ABCA1: variants seen among roughly 807,000 people sequenced by gnomAD.
ABCA1 encodes ATP binding cassette subfamily A member 1.
Under a neutral mutation model 262.5 loss-of-function variants are expected in ABCA1, and 133 were observed. The observed-to-expected ratio is 0.51, with a 90% CI of 0.44 to 0.59. The LOEUF is 0.59. Ranked by LOEUF, ABCA1 falls within the 20% of genes least tolerant of loss-of-function variation. The pLI is 0.00. For synonymous variants in ABCA1, 1,022 were observed against 1,043.5 expected (o/e 0.98, Z 0.40); for missense variants, 2,452 against 2,777.5 (o/e 0.88, Z 2.63).
Position 104,781,954 on chromosome 9 carries a change from T to C in ABCA1, c.*2361A>G, listed in dbSNP as rs201061288. ...CAGTATTAATGAAGATGTATAACTATAGATTGTTTCTAGCTTCAGAAGAGG... is the reference window on the plus strand; with the variant it reads ...CAGTATTAATGAAGATGTATAACTACAGATTGTTTCTAGCTTCAGAAGAGG... On this transcript the variant is annotated 3_prime_UTR_variant, in exon 50 of 50. Transcript: ENST00000374736. 5 of 152,304 alleles carry C rather than the reference T, an allele frequency of 3.3e-5. 1 individual carries two copies. The East Asian group carries it at 5.8e-4, about 18-fold the overall frequency. The allele number at this position is 152,304 out of a possible 1,614,324, so 9.4% of individuals were successfully genotyped here. A position where few individuals can be genotyped will look rare whatever the true frequency, so the allele number is the denominator to read the frequency against.
At chr9:104,849,433 C>A (rs1297739969) in intron 7 of ABCA1, among the ~76,000 whole-genome samples, 2 of 152,168 alleles carry the variant, frequency 1.3e-5, no homozygotes, top group African/African-American at 4.8e-5. Context: ...ATTGGCTGAA[C>A]CCACCCATGA....
At chr9:104,841,551 C>A (rs1834373749) in intron 8 of ABCA1, among the ~76,000 whole-genome samples, 1 of 152,236 alleles carries the variant, frequency 6.6e-6, no homozygotes, top group African/African-American at 2.4e-5. Context: ...TACTCAACTT[C>A]TCCATGCTTC....
chr9:104,830,991 G>T lies in ABCA1; in HGVS notation c.1826C>A (p.Thr609Lys). The T allele has an allele frequency of 6.2e-7, 1 of 1,613,800 alleles. No homozygotes were observed. Among genetic ancestry groups the T allele is most frequent in the Non-Finnish European group, 8.5e-7 (1 of 1,179,962 alleles). The change falls in exon 14 of 50, where the codon ACG becomes AAG. Residue 609 changes from threonine (T) to lysine (K), a missense_variant. Coordinates refer to ENST00000374736, the MANE Select transcript of ABCA1 (RefSeq NM_005502.4). The part of the protein sequence containing the change: ...VVEQAIIRVL[T>K]GTEKKTGVYM... ...GACACCAGTTTTCTTCTCGGTGCCC[G>T]TCAGCACCCTGATGATTGCCTGCTC...
intron 3 of ABCA1, among the ~76,000 whole-genome samples, chr9:104,886,922 A>G (rs1839227625): frequency 6.6e-6 from 1 of 152,198 alleles, no homozygotes; most frequent in African/African-American, 2.4e-5. Context: ...CTTAACTTTT[A>G]ACTCTGCTCT....
intron 35 of ABCA1, 115 bp downstream of exon 35, chr9:104,800,393 GTT>G: frequency 1.0e-6 from 1 of 964,674 alleles, no homozygotes; most frequent in Non-Finnish European, 1.7e-6. Flanking sequence ...AAAGTTAATA[GTT>G]TGCTCTTTTC....
chr9:104,842,203 G>T (rs932043169), intron 8 of ABCA1, among the ~76,000 whole-genome samples: 6 of 152,316 alleles, frequency 3.9e-5, no homozygotes, highest in African/African-American at 7.2e-5. Context: ...CAGAGAGGGG[G>T]CATCTAGCAC....
At chr9:104,922,362 A>C (rs1842184022) in intron 1 of ABCA1, among the ~76,000 whole-genome samples, 2 of 152,190 alleles carry the variant, frequency 1.3e-5, no homozygotes, top group Non-Finnish European at 2.9e-5. Context: ...CTAATATTTC[A>C]TTTGTCAAAA....
At chr9:104,870,981 G>A (rs1837555023) in intron 5 of ABCA1, among the ~76,000 whole-genome samples, 1 of 151,742 alleles carries the variant, frequency 6.6e-6, no homozygotes, top group African/African-American at 2.4e-5. Flanking sequence ...CATCAGTTAA[G>A]GCGAGGCAGG....
intron 2 of ABCA1, among the ~76,000 whole-genome samples, chr9:104,890,638 A>G (rs1839642690): frequency 1.3e-5 from 2 of 151,410 alleles, no homozygotes; most frequent in South Asian, 4.2e-4. Flanking sequence ...GTCTTGCTCC[A>G]TCGTCCAGGC....
At chr9:104,875,061 G>C (rs1365260144) in intron 5 of ABCA1, among the ~76,000 whole-genome samples, 1 of 152,038 alleles carries the variant, frequency 6.6e-6, no homozygotes, top group Non-Finnish European at 1.5e-5. Context: ...GGGGAAATGT[G>C]GGGAAAAGAT....
At chr9:104,826,840 C>T in intron 16 of ABCA1, 108 bp downstream of exon 16, 1 of 1,022,056 alleles carries the variant, frequency 9.8e-7, no homozygotes, top group Non-Finnish European at 1.5e-6. Context: ...GTTCATGTCC[C>T]ATTGGAAAAG....
At chr9:104,908,623 C>T (rs542928810) in intron 1 of ABCA1, among the ~76,000 whole-genome samples, 28 of 152,028 alleles carry the variant, frequency 1.8e-4, no homozygotes, top group Non-Finnish European at 3.7e-4. Flanking sequence ...ATCGCGCTAC[C>T]GCACTCCAGC....
At chr9:104,921,340 T>C (rs1025072778) in intron 1 of ABCA1, among the ~76,000 whole-genome samples, 14 of 152,194 alleles carry the variant, frequency 9.2e-5, no homozygotes, top group African/African-American at 3.1e-4. Flanking sequence ...TATAGAAGAA[T>C]AGATCCAATG....
intron 47 of ABCA1, 62 bp downstream of exon 47, chr9:104,786,811 G>T: frequency 2.2e-6 from 3 of 1,374,076 alleles, no homozygotes; most frequent in Non-Finnish European, 3.1e-6. Flanking sequence ...CAAAATGATC[G>T]CATATTCTAC....
chr9:104,926,547 A>C (rs1826352728), intron 1 of ABCA1, among the ~76,000 whole-genome samples: 1 of 151,998 alleles, frequency 6.6e-6, no homozygotes, highest in East Asian at 1.9e-4. Context: ...TCTTCACCGG[A>C]TTCACAGTCG....
chr9:104,827,053 G>A lies in ABCA1; in HGVS notation c.2232C>T (p.Asn744=). 1.2e-6 allele frequency: 2 copies of A among 1,614,192 alleles called. No individual in the cohort carries two copies. Among genetic ancestry groups the A allele is most frequent in the Non-Finnish European group, 1.7e-6 (2 of 1,180,034 alleles). Residue 744 remains asparagine, a synonymous_variant, in exon 16 of 50, where the codon AAC becomes AAT. Coordinates refer to ENST00000374736, the MANE Select transcript of ABCA1 (RefSeq NM_005502.4). ...TGATGCCCCCACAGGCTGCTGCCAGGTTGGCTCTGGAGAAGAGTGTGCTAA... is the reference window on the plus strand; with the variant it reads ...TGATGCCCCCACAGGCTGCTGCCAGATTGGCTCTGGAGAAGAGTGTGCTAA... ...FLISTLFSRA[N]LAAACGGIIY...
At chr9:104,806,549 G>A in intron 30 of ABCA1, 119 bp from the exon 31 acceptor site, 1 of 998,990 alleles carries the variant, frequency 1.0e-6, no homozygotes, top group Non-Finnish European at 1.5e-6. Flanking sequence ...CTCACCATTT[G>A]GAAAAGACAA....
intron 8 of ABCA1, among the ~76,000 whole-genome samples, chr9:104,841,023 G>A (rs73519901): frequency 0.02 from 2,988 of 152,230 alleles, 75 homozygotes; most frequent in African/African-American, 0.057. Flanking sequence ...AAAACTCCCC[G>A]AACTCTAGTG....
At chr9:104,877,237 A>G in intron 5 of ABCA1, among the ~76,000 whole-genome samples, 1 of 152,192 alleles carries the variant, frequency 6.6e-6, no homozygotes, top group Non-Finnish European at 1.5e-5. Context: ...GGAATAAACT[A>G]TATAATACAA....
Sources: allele counts gnomAD v4.1 joint callset (sites outside exome capture counted in the v4.1 genomes callset), GRCh38; gene constraint gnomAD v4.1.1; transcripts MANE v1.5; gene names NCBI Gene and HGNC (gene_info 2026-07-23, HGNC 2026-07-21).